The following LRRC46 variants were observed in gnomAD, a reference collection of about 807,000 sequenced individuals.
LRRC46 encodes the protein leucine rich repeat containing 46.
In LRRC46, 20 loss-of-function variants were observed where a neutral mutation model predicts 28.0. That is an observed-to-expected ratio of 0.71 (90% CI 0.50 to 1.04). The LOEUF (loss-of-function observed/expected upper bound fraction) is 1.04. Ranked by LOEUF, LRRC46 falls within the 50% of genes least tolerant of loss-of-function variation. The probability of loss-of-function intolerance (pLI) is 0.00; values close to 1 mark genes in which losing one functional copy is unlikely to be tolerated. For synonymous variants in LRRC46, 156 were observed against 158.8 expected (o/e 0.98, Z 0.13); for missense variants, 315 against 390.1 (o/e 0.81, Z 1.62).
intron 2 of LRRC46, among the ~76,000 whole-genome samples, chr17:47,833,145 T>A (rs1366018118): frequency 6.6e-6 from 1 of 152,054 alleles, no homozygotes; most frequent in Non-Finnish European, 1.5e-5. Context: ...GTACTATTCC[T>A]TCTGCTTGAA....
Position 47,836,676 on chromosome 17 carries a change from C to G in LRRC46, c.596-74C>G. On this transcript the variant is annotated intron_variant, in intron 7 of 7. Transcript: ENST00000269025. This position sits in a 1 kb window ranked among gnomAD's most constrained non-coding sequence, Gnocchi z 5.8. ...GGACAAGGGGCCAGCCAGAGACTTC[C>G]CTGAGCCCAGGGACCCTCCTGCTGA... The G allele has an allele frequency of 6.4e-7, 1 of 1,570,294 alleles. No individual in the cohort carries two copies.
At position 47,837,213 on chromosome 17, in the gene LRRC46, A is replaced by AG; in HGVS notation, c.*94dup. 6.6e-7 allele frequency: 1 copy of AG among 1,516,336 alleles called. No homozygotes were observed. The highest frequency in any genetic ancestry group is 8.9e-7 in the Non-Finnish European group (1 of 1,127,338). The allele number at this position is 1,516,336 out of a possible 1,614,324, so 93.9% of individuals were successfully genotyped here. A position where few individuals can be genotyped will look rare whatever the true frequency, so the allele number is the denominator to read the frequency against. ...TGTGACAGAAGCCCATCCCCAGTAA[A>AG]GTGTCTCTAGGCCCTGAGTATGCTT... On this transcript the variant is annotated 3_prime_UTR_variant, in exon 8 of 8. Transcript: ENST00000269025.
chr17:47,836,059 C>T lies in LRRC46; in HGVS notation c.409C>T (p.Leu137Phe), dbSNP rs2033691672. 1 of 1,614,186 alleles carries T rather than the reference C, an allele frequency of 6.2e-7. No homozygotes were observed. Among genetic ancestry groups the T allele is most frequent in the Non-Finnish European group, 8.5e-7 (1 of 1,180,034 alleles). ...TGAGTTCCCCCAGAGCCTTCTCATC[C>T]TCAACCTGTCTGGAAACAGCTGCAC... ...LDEFPQSLLI[L>F]NLSGNSCTNQ... Residue 137 changes from leucine to phenylalanine, a missense_variant, in exon 6 of 8, where the codon CTC (leucine) becomes TTC (phenylalanine). Transcript: ENST00000269025. This position sits in a 1 kb window ranked among gnomAD's most constrained non-coding sequence, Gnocchi z 5.8.
chr17:47,834,593 C>G, intron 3 of LRRC46, 60 bp downstream of exon 3: 1 of 1,150,402 alleles, frequency 8.7e-7, no homozygotes, highest in Non-Finnish European at 1.3e-6. Flanking sequence ...TCTGTCTCAT[C>G]TGAAAGGAGC....
At chr17:47,835,279 G>A (rs1168364976) in intron 3 of LRRC46, 74 bp from the exon 4 acceptor site, 3 of 1,474,226 alleles carry the variant, frequency 2.0e-6, no homozygotes, top group African/African-American at 2.8e-5. Context: ...ATGGTCTTGG[G>A]GCTTTGTCCC....
Position 47,831,930 on chromosome 17 carries a change from G to C in LRRC46, c.-60G>C. 3 of 1,610,804 alleles carry C rather than the reference G, an allele frequency of 1.9e-6. No individual in the cohort carries two copies. The South Asian group carries it at 3.3e-5, about 18-fold the overall frequency. On this transcript the variant is annotated 5_prime_UTR_variant, in exon 1 of 8. Transcript: ENST00000269025. Reference sequence around the variant, plus strand: ...CTGAGTTCTGCCATCCTTAGGGGCCGCCAAGACCTCTCTTTTCGTTCCTCT... The same window carrying C: ...CTGAGTTCTGCCATCCTTAGGGGCCCCCAAGACCTCTCTTTTCGTTCCTCT...
intron 2 of LRRC46, 38 bp from the exon 3 acceptor site, chr17:47,834,387 T>TCA: frequency 1.4e-6 from 2 of 1,446,054 alleles, no homozygotes; most frequent in Non-Finnish European, 1.9e-6. Flanking sequence ...ACCACATGAG[T>TCA]GGTGCTCTAA....
chr17:47,835,474 A>C, intron 4 of LRRC46, 75 bp downstream of exon 4: 1 of 1,569,876 alleles, frequency 6.4e-7, no homozygotes, highest in Non-Finnish European at 8.7e-7. Context: ...ACTGGTTCAG[A>C]TTTCTCCAAG....
chr17:47,834,586 G>A, intron 3 of LRRC46, 53 bp downstream of exon 3: 1 of 1,295,524 alleles, frequency 7.7e-7, no homozygotes, highest in Non-Finnish European at 1.1e-6. Flanking sequence ...GACCTAATCT[G>A]TCTCATCTGA....
chr17:47,835,715 G>A lies in LRRC46; in HGVS notation c.322G>A (p.Asp108Asn), dbSNP rs764577528. The A allele has an allele frequency of 4.5e-5, 72 of 1,613,978 alleles. No individual in the cohort carries two copies. The South Asian group carries it at 6.3e-4, about 14-fold the overall frequency. The part of the protein sequence containing the change: ...NQIRQVENLL[D>N]LPCLQFLDLS... ...AATCAGGCAGGTGGAAAACCTCCTC[G>A]ACCTCCCATGCCTCCAGTTTCTGGA... The change falls in exon 5 of 8, where the codon GAC becomes AAC. Residue 108 changes from aspartate (D) to asparagine (N), a missense_variant. Coordinates refer to ENST00000269025, the MANE Select transcript of LRRC46 (RefSeq NM_033413.4).
intron 2 of LRRC46, chr17:47,834,196 T>C: frequency 1.0e-6 from 1 of 966,492 alleles, no homozygotes; most frequent in Non-Finnish European, 1.3e-6. Flanking sequence ...CCCTTACTCC[T>C]CTCTCTCACC....
At chr17:47,834,011 CA>C in intron 2 of LRRC46, 1 of 988,482 alleles carries the variant, frequency 1.0e-6, no homozygotes, top group Non-Finnish European at 1.2e-6. Flanking sequence ...GTGGATGGAA[CA>C]AGTGCTTTTT....
rs1214246758 is a variant in LRRC46, at chr17:47,835,606, C to T, written c.273-60C>T. 14 of 1,559,404 alleles carry T rather than the reference C, an allele frequency of 9.0e-6. No homozygotes were observed. In the East Asian group the frequency reaches 1.8e-4, roughly 20 times the overall value. ...GGGCCCCGGTGTCAGGTGCCCTCCT[C>T]TTTTCTTCCAGCTGTTCCATGATTC... On this transcript the variant is annotated intron_variant, in intron 4 of 7. Transcript: ENST00000269025.
Position 47,837,166 on chromosome 17 carries a change from C to A in LRRC46, c.*46C>A. ...ACTAGTGGAGAGGAGTGGGGCCTGC[C>A]CCTCTTCTCAGACCTCTGACCTGTG... On this transcript the variant is annotated 3_prime_UTR_variant, in exon 8 of 8. Transcript: ENST00000269025. The A allele has an allele frequency of 1.3e-6, 2 of 1,582,442 alleles. No individual in the cohort carries two copies. The highest frequency in any genetic ancestry group is 1.7e-6 in the Non-Finnish European group (2 of 1,172,616).
Position 47,831,948 on chromosome 17 carries a change from G to T in LRRC46, c.-42G>T. 1 of 1,612,270 alleles carries T rather than the reference G, an allele frequency of 6.2e-7. No individual in the cohort carries two copies. Among genetic ancestry groups the T allele is most frequent in the Non-Finnish European group, 8.5e-7 (1 of 1,179,940 alleles). On this transcript the variant is annotated 5_prime_UTR_variant, in exon 1 of 8. Transcript: ENST00000269025. The stretch of plus-strand genomic sequence containing the variant: ...AGGGGCCGCCAAGACCTCTCTTTTC[G>T]TTCCTCTCCCGCCTCAGACCAGCAG...
At position 47,836,531 on chromosome 17, in the gene LRRC46, G is replaced by C; in HGVS notation, c.595+56G>C. On this transcript the variant is annotated intron_variant, in intron 7 of 7. Transcript: ENST00000269025. This position sits in a 1 kb window ranked among gnomAD's most constrained non-coding sequence, Gnocchi z 5.8. Reference sequence around the variant, plus strand: ...CCCAGAGCCCACCTCTGCCCTGTGGGACATGAGGGAAGCTAAGGTGGCAGT... The same window carrying C: ...CCCAGAGCCCACCTCTGCCCTGTGGCACATGAGGGAAGCTAAGGTGGCAGT... 1.9e-6 allele frequency: 3 copies of C among 1,589,368 alleles called. No homozygotes were observed. Among genetic ancestry groups the C allele is most frequent in the Non-Finnish European group, 2.6e-6 (3 of 1,166,512 alleles).
At position 47,832,189 on chromosome 17, in the gene LRRC46, G is replaced by C; in HGVS notation, c.100G>C (p.Glu34Gln). The change falls in exon 2 of 8, where the codon GAA (glutamate) becomes CAA (glutamine). Residue 34 changes from glutamate to glutamine, a missense_variant. Transcript: ENST00000269025. ...KRNLTFPEDG[E>Q]LSEKMFHTLD... ...GAACTTGACTTTCCCTGAAGATGGGGAACTGTCAGAGAAGATGTGAGTGCA... is the reference window on the plus strand; with the variant it reads ...GAACTTGACTTTCCCTGAAGATGGGCAACTGTCAGAGAAGATGTGAGTGCA... 1.3e-6 allele frequency: 2 copies of C among 1,595,716 alleles called. No individual in the cohort carries two copies.
chr17:47,833,328 T>C (rs1252752937), intron 2 of LRRC46, among the ~76,000 whole-genome samples: 4 of 151,636 alleles, frequency 2.6e-5, no homozygotes, highest in African/African-American at 9.7e-5. Flanking sequence ...TTTGGCCTTA[T>C]TCTTTCTTTC....
Position 47,836,528 on chromosome 17 carries a change from T to C in LRRC46, c.595+53T>C. 6.3e-7 allele frequency: 1 copy of C among 1,595,292 alleles called. No homozygotes were observed. The highest frequency in any genetic ancestry group is 8.5e-7 in the Non-Finnish European group (1 of 1,169,638). On this transcript the variant is annotated intron_variant, in intron 7 of 7. Coordinates refer to ENST00000269025, the MANE Select transcript of LRRC46 (RefSeq NM_033413.4). The surrounding 1 kb of genome is among the most constrained non-coding windows in gnomAD (Gnocchi z 5.8). ...CTCCCCAGAGCCCACCTCTGCCCTG[T>C]GGGACATGAGGGAAGCTAAGGTGGC...
Sources: allele counts gnomAD v4.1 joint callset (sites outside exome capture counted in the v4.1 genomes callset), GRCh38; gene constraint gnomAD v4.1.1; non-coding constraint Gnocchi (gnomAD v3.1); transcripts MANE v1.5; gene names NCBI Gene and HGNC (gene_info 2026-07-23, HGNC 2026-07-21).